Variants in ADCY2 observed in about 807,000 individuals in gnomAD.
The protein encoded by ADCY2 is adenylate cyclase 2.
Under a neutral mutation model 125.2 loss-of-function variants are expected in ADCY2, and 31 were observed. The observed-to-expected ratio is 0.25, with a 90% CI of 0.19 to 0.33. ADCY2 has a LOEUF of 0.33. Ranked by LOEUF, ADCY2 falls within the 10% of genes least tolerant of loss-of-function variation. The pLI is 1.00. For synonymous variants in ADCY2, 512 were observed against 548.4 expected, an observed-to-expected ratio of 0.93 and a Z score of 0.93; for missense variants, 904 against 1,418.2, an observed-to-expected ratio of 0.64 and a Z score of 5.82.
Position 7,400,286 on chromosome 5 carries a change from A to T in ADCY2, c.210+3780A>T, listed in dbSNP as rs1302282574. ...GAAATAAGAGTATGCACTTTTATTA[A>T]CTATAAATAGGTAATATATGTGACT... On this transcript the variant is annotated intron_variant, in intron 1 of 24. Transcript: ENST00000338316. Among the ~76,000 whole-genome samples, 3 of 152,322 alleles carry T rather than the reference A, an allele frequency of 2.0e-5. No homozygotes were observed. The East Asian group carries it at 5.8e-4, about 29-fold the overall frequency.
chr5:7,560,293 T>C (rs1735668474), intron 3 of ADCY2, among the ~76,000 whole-genome samples: 1 of 152,220 alleles, frequency 6.6e-6, no homozygotes, highest in Admixed American at 6.5e-5. Context: ...ACGCTAGGTG[T>C]TGCTCACTAA....
chr5:7,446,219 C>G (rs978333879), intron 2 of ADCY2, among the ~76,000 whole-genome samples: 3 of 151,988 alleles, frequency 2.0e-5, no homozygotes, highest in Admixed American at 6.6e-5. Flanking sequence ...TTGTTAAATG[C>G]CTTTTGATGT....
intron 1 of ADCY2, among the ~76,000 whole-genome samples, chr5:7,411,364 C>T (rs1024980398): frequency 2.0e-5 from 3 of 152,152 alleles, no homozygotes; most frequent in Admixed American, 1.3e-4. Flanking sequence ...CACCTGCTAA[C>T]GTCACCCATC....
chr5:7,653,961 G>T, intron 4 of ADCY2: 1 of 413,488 alleles, frequency 2.4e-6, no homozygotes, highest in Non-Finnish European at 4.9e-6. Context: ...GAGGAGTTTG[G>T]TAGAAATCCC....
chr5:7,540,878 C>A (rs1335735792), intron 3 of ADCY2, among the ~76,000 whole-genome samples: 1 of 152,176 alleles, frequency 6.6e-6, no homozygotes, highest in Non-Finnish European at 1.5e-5. Flanking sequence ...AGATCAGAGA[C>A]TTCTTAAGAT....
At chr5:7,789,026 A>G (rs1744170891) in intron 19 of ADCY2, among the ~76,000 whole-genome samples, 1 of 152,254 alleles carries the variant, frequency 6.6e-6, no homozygotes, top group African/African-American at 2.4e-5. Context: ...TTAATACATT[A>G]TAAAGCATGA....
At chr5:7,779,001 C>A (rs1405122952) in intron 18 of ADCY2, among the ~76,000 whole-genome samples, 1 of 152,168 alleles carries the variant, frequency 6.6e-6, no homozygotes, top group Non-Finnish European at 1.5e-5. Flanking sequence ...ATTTTCGATT[C>A]CTTTCAGATT....
intron 18 of ADCY2, among the ~76,000 whole-genome samples, chr5:7,778,814 CAAG>C (rs1239649530): frequency 2.0e-5 from 3 of 152,154 alleles, no homozygotes; most frequent in Non-Finnish European, 2.9e-5. Context: ...TGAGGAAAAA[CAAG>C]AAAACCTATC....
At chr5:7,553,127 G>A (rs1300846070) in intron 3 of ADCY2, among the ~76,000 whole-genome samples, 1 of 152,190 alleles carries the variant, frequency 6.6e-6, no homozygotes, top group Non-Finnish European at 1.5e-5. Flanking sequence ...GCTGGTAAGA[G>A]AAGATGGCCA....
chr5:7,698,229 T>C lies in ADCY2; in HGVS notation c.982-18T>C. The C allele has an allele frequency of 6.2e-7, 1 of 1,613,554 alleles. No homozygotes were observed. The highest frequency in any genetic ancestry group is 8.5e-7 in the Non-Finnish European group (1 of 1,179,854). On this transcript the variant is annotated intron_variant, in intron 6 of 24. Coordinates refer to ENST00000338316, the MANE Select transcript of ADCY2 (RefSeq NM_020546.3). ...CAAGTGCTTAATGCAACTGAAATTC[T>C]GTAATTTATTCTTCCAGGAGAATGA... is the stretch of plus-strand genomic sequence containing the variant.
intron 23 of ADCY2, among the ~76,000 whole-genome samples, chr5:7,817,799 G>A (rs1034467860): frequency 7.5e-6 from 1 of 134,070 alleles, no homozygotes; most frequent in African/African-American, 2.9e-5. Flanking sequence ...ATCCAGCCTG[G>A]GTGACAGAAA....
chr5:7,468,448 G>A (rs1466737152), intron 2 of ADCY2, among the ~76,000 whole-genome samples: 2 of 152,154 alleles, frequency 1.3e-5, no homozygotes, highest in Non-Finnish European at 2.9e-5. Context: ...TTATCAGTTT[G>A]AGAGCTAAAT....
chr5:7,750,813 G>A (rs1742789003), intron 15 of ADCY2, among the ~76,000 whole-genome samples: 1 of 151,916 alleles, frequency 6.6e-6, no homozygotes, highest in Non-Finnish European at 1.5e-5. Context: ...GATTCCAGGT[G>A]TCAAAGTGCA....
intron 2 of ADCY2, among the ~76,000 whole-genome samples, chr5:7,416,408 C>T (rs1207932913): frequency 2.0e-5 from 3 of 152,152 alleles, no homozygotes; most frequent in Non-Finnish European, 4.4e-5. Context: ...TCTTCCTCTC[C>T]CTCACACTCC....
intron 4 of ADCY2, among the ~76,000 whole-genome samples, chr5:7,673,265 AAAAAAT>A (rs1739998056): frequency 5.0e-4 from 2 of 3,970 alleles, no homozygotes; most frequent in African/African-American, 1.1e-3. Context: ...AAAAAAAAAA[AAAAAAT>A]ATATATATAT....
chr5:7,745,183 T>C lies in ADCY2; in HGVS notation c.1956+1431T>C, dbSNP rs74784770. Among the ~76,000 whole-genome samples the C allele has an allele frequency of 6.9e-3, 1,044 of 152,318 alleles. 5 individuals are homozygous for C. Among genetic ancestry groups the C allele is most frequent in the Non-Finnish European group, 0.011 (732 of 68,030 alleles). ...TCCTCCCTTCAAAAGCTCTGAAAAG[T>C]GGCAGTCCTGACCCCCACGCTGTCC... On this transcript the variant is annotated intron_variant, in intron 15 of 24. Transcript: ENST00000338316.
At chr5:7,615,778 T>G (rs770388575) in intron 3 of ADCY2, among the ~76,000 whole-genome samples, 3 of 152,130 alleles carry the variant, frequency 2.0e-5, no homozygotes, top group Non-Finnish European at 4.4e-5. Flanking sequence ...GTTGACATCA[T>G]GTCTTTGCAA....
intron 3 of ADCY2, among the ~76,000 whole-genome samples, chr5:7,551,462 C>T (rs780347656): frequency 1.6e-4 from 25 of 152,156 alleles, no homozygotes; most frequent in Non-Finnish European, 3.1e-4. Flanking sequence ...TCTTATTTTG[C>T]ATTGTCCTGT....
At chr5:7,702,762 G>A (rs375364077) in intron 7 of ADCY2, among the ~76,000 whole-genome samples, 1 of 152,164 alleles carries the variant, frequency 6.6e-6, no homozygotes, top group Non-Finnish European at 1.5e-5. Flanking sequence ...ATGGCTGGGT[G>A]AAATGGTATT....
Sources: allele counts gnomAD v4.1 joint callset (sites outside exome capture counted in the v4.1 genomes callset), GRCh38; gene constraint gnomAD v4.1.1; transcripts MANE v1.5; gene names NCBI Gene and HGNC (gene_info 2026-07-23, HGNC 2026-07-21).